LPGAT1: variants seen among roughly 807,000 people sequenced by gnomAD.
LPGAT1 encodes the protein acyl-CoA:lysophosphatidylglycerol acyltransferase 1.
In LPGAT1, 11 loss-of-function variants were observed where a neutral mutation model predicts 47.5. The observed-to-expected ratio is 0.23, with a 90% CI of 0.15 to 0.38. LPGAT1 has a LOEUF of 0.38. Ranked by LOEUF, LPGAT1 falls within the 10% of genes least tolerant of loss-of-function variation. The pLI is 1.00. For synonymous variants in LPGAT1, 138 were observed against 144.2 expected, an observed-to-expected ratio of 0.96 and a Z score of 0.31; for missense variants, 293 against 439.0, an observed-to-expected ratio of 0.67 and a Z score of 2.97.
rs374499426 is a variant in LPGAT1 at position 211,765,558 on chromosome 1, A to G, written c.854+13360T>C. ...AGAAAATAAGAGGTATTTTTGGAAT[A>G]ACAATGGCACTTTGCTAGACCTTAA... On this transcript the variant is annotated intron_variant, in intron 6 of 7. Coordinates refer to ENST00000366997, the MANE Select transcript of LPGAT1 (RefSeq NM_014873.3). Among the ~76,000 whole-genome samples the G allele has an allele frequency of 9.8e-5, 15 of 152,356 alleles. 1 individual carries two copies. The East Asian group carries it at 2.1e-3, about 22-fold the overall frequency.
chr1:211,772,366 GT>G (rs1658207731), intron 6 of LPGAT1, among the ~76,000 whole-genome samples: 1 of 152,074 alleles, frequency 6.6e-6, no homozygotes, highest in South Asian at 2.1e-4. Context: ...GAACTCCTTT[GT>G]TTTGTTCATC....
intron 2 of LPGAT1, among the ~76,000 whole-genome samples, chr1:211,799,577 C>G (rs1659486674): frequency 6.6e-6 from 1 of 152,190 alleles, no homozygotes; most frequent in Non-Finnish European, 1.5e-5. Flanking sequence ...GATAAATGCC[C>G]TTGCAGCCCC....
At chr1:211,824,484 G>A (rs1427332667) in intron 2 of LPGAT1, among the ~76,000 whole-genome samples, 1 of 152,152 alleles carries the variant, frequency 6.6e-6, no homozygotes, top group Non-Finnish European at 1.5e-5. Flanking sequence ...AGGGTTATAA[G>A]GAAGATCCAT....
intron 2 of LPGAT1, among the ~76,000 whole-genome samples, chr1:211,806,600 C>G (rs1659772306): frequency 6.6e-6 from 1 of 152,102 alleles, no homozygotes; most frequent in African/African-American, 2.4e-5. Context: ...GCTAGAAACC[C>G]AAACTTCAGC....
chr1:211,825,010 C>T (rs1660498711), intron 2 of LPGAT1, among the ~76,000 whole-genome samples: 1 of 151,892 alleles, frequency 6.6e-6, no homozygotes, highest in South Asian at 2.1e-4. Context: ...CCAAATAATG[C>T]CCCAATTTAA....
chr1:211,827,921 A>C (rs1307348701), intron 2 of LPGAT1, among the ~76,000 whole-genome samples: 2 of 152,238 alleles, frequency 1.3e-5, no homozygotes, highest in African/African-American at 2.4e-5. Context: ...TGAAGGAGAA[A>C]AGGCTTCATC....
chr1:211,810,307 A>G (rs972259849), intron 2 of LPGAT1, among the ~76,000 whole-genome samples: 1 of 152,250 alleles, frequency 6.6e-6, no homozygotes, highest in African/African-American at 2.4e-5. Context: ...GAAGTAATTA[A>G]TGCAATTCAA....
chr1:211,809,661 T>C (rs1442226020), intron 2 of LPGAT1, among the ~76,000 whole-genome samples: 2 of 152,130 alleles, frequency 1.3e-5, no homozygotes, highest in African/African-American at 4.8e-5. Context: ...TCCAATGGTT[T>C]TATAAAGAGG....
intron 6 of LPGAT1, among the ~76,000 whole-genome samples, chr1:211,774,060 TAATC>T (rs1182019251): frequency 6.6e-6 from 1 of 151,556 alleles, no homozygotes; most frequent in East Asian, 1.9e-4. Flanking sequence ...GACTTACCAA[TAATC>T]TATCATTCTT....
chr1:211,813,119 C>T (rs551828182), intron 2 of LPGAT1, among the ~76,000 whole-genome samples: 140 of 152,178 alleles, frequency 9.2e-4, no homozygotes, highest in African/African-American at 1.5e-3. Flanking sequence ...AATTTTTAAA[C>T]GAGCAAAACA....
rs527359618 is a variant in LPGAT1, at chr1:211,745,228, C to T, written c.*4671G>A. The stretch of plus-strand genomic sequence containing the variant: ...ATCACACGTTACAACATGCAGATAA[C>T]ACAAAGAAAGGTCAACAAGCTGAAG... On this transcript the variant is annotated 3_prime_UTR_variant, in exon 8 of 8. Coordinates refer to ENST00000366997, the MANE Select transcript of LPGAT1 (RefSeq NM_014873.3). 1.3e-4 allele frequency: 20 copies of T among 152,614 alleles called. No individual in the cohort carries two copies. The highest frequency in any genetic ancestry group is 2.6e-4 in the Admixed American group (4 of 15,298). 9.5% of individuals were successfully genotyped at this position (152,614 alleles called of 1,614,324 possible).
At chr1:211,771,806 T>C (rs2102519259) in intron 6 of LPGAT1, among the ~76,000 whole-genome samples, 1 of 152,268 alleles carries the variant, frequency 6.6e-6, no homozygotes, top group African/African-American at 2.4e-5. Context: ...CTGCCCAGCC[T>C]AGTTTTTAGT....
intron 5 of LPGAT1, among the ~76,000 whole-genome samples, chr1:211,782,320 C>A (rs1289600790): frequency 6.6e-6 from 1 of 152,178 alleles, no homozygotes; most frequent in Admixed American, 6.5e-5. Flanking sequence ...TAATAAACTT[C>A]TTTGCCTGCA....
At chr1:211,822,012 C>A (rs948494579) in intron 2 of LPGAT1, among the ~76,000 whole-genome samples, 3 of 152,156 alleles carry the variant, frequency 2.0e-5, no homozygotes, top group African/African-American at 7.2e-5. Context: ...AAAGCAAAAC[C>A]TAACTCCATG....
intron 3 of LPGAT1, among the ~76,000 whole-genome samples, chr1:211,790,711 T>C (rs1659075672): frequency 6.6e-6 from 1 of 152,178 alleles, no homozygotes; most frequent in Non-Finnish European, 1.5e-5. Context: ...ACTTAAATAT[T>C]TTTATAAAGG....
intron 4 of LPGAT1, among the ~76,000 whole-genome samples, chr1:211,785,882 C>CA (rs950042134): frequency 6.6e-6 from 1 of 152,098 alleles, no homozygotes; most frequent in African/African-American, 2.4e-5. Context: ...GCTGGGATTA[C>CA]AGGCATGAGC....
intron 1 of LPGAT1, chr1:211,829,989 A>C: frequency 1.0e-6 from 1 of 985,822 alleles, no homozygotes; most frequent in Non-Finnish European, 1.2e-6. Context: ...AGGGAGCAAA[A>C]GCCAGAAAGA....
intron 2 of LPGAT1, among the ~76,000 whole-genome samples, chr1:211,797,660 C>T (rs1282419821): frequency 1.3e-5 from 2 of 152,094 alleles, no homozygotes; most frequent in Non-Finnish European, 2.9e-5. Flanking sequence ...TCAGATTATG[C>T]CTTGCTATTC....
At chr1:211,805,074 A>T (rs1236988000) in intron 2 of LPGAT1, among the ~76,000 whole-genome samples, 2 of 151,738 alleles carry the variant, frequency 1.3e-5, no homozygotes, top group Non-Finnish European at 2.9e-5. Context: ...ATCAAAAAAC[A>T]AAATACCAAA....
Sources: gnomAD v4.1 joint callset for allele counts (sites outside exome capture counted in the v4.1 genomes callset) on GRCh38, gnomAD v4.1.1 for gene constraint, MANE v1.5 for transcripts, NCBI Gene and HGNC (gene_info 2026-07-23, HGNC 2026-07-21) for gene names.